RGS7: variants seen among roughly 807,000 people sequenced by gnomAD.
The protein encoded by RGS7 is regulator of G-protein signaling 7.
Under a neutral mutation model 81.1 loss-of-function variants are expected in RGS7, and 27 were observed. That is an observed-to-expected ratio of 0.33 (90% CI 0.25 to 0.46). RGS7 has a LOEUF of 0.46. Among genes scored for constraint, RGS7 ranks in the 20% least tolerant of loss-of-function variants. RGS7 has a pLI of 1.00. For synonymous variants in RGS7, 208 were observed against 207.7 expected (o/e 1.00, Z -0.01); for missense variants, 396 against 607.4 (o/e 0.65, Z 3.66).
chr1:240,801,826 A>T (rs1688074009), intron 16 of RGS7, among the ~76,000 whole-genome samples: 1 of 152,186 alleles, frequency 6.6e-6, no homozygotes, highest in African/African-American at 2.4e-5. Flanking sequence ...AATATTTAAA[A>T]ATCTAGCAGC....
At chr1:240,844,375 T>C (rs1014211000) in intron 9 of RGS7, among the ~76,000 whole-genome samples, 2 of 152,174 alleles carry the variant, frequency 1.3e-5, no homozygotes, top group African/African-American at 4.8e-5. Context: ...CCCTGAGAGT[T>C]AGCTGTTGGC....
intron 2 of RGS7, among the ~76,000 whole-genome samples, chr1:241,100,508 G>A (rs374609742): frequency 6.6e-6 from 1 of 151,858 alleles, no homozygotes; most frequent in East Asian, 1.9e-4. Flanking sequence ...GTATTACTAT[G>A]ACAAATAACT....
chr1:241,061,665 G>A (rs2061744557), intron 3 of RGS7, among the ~76,000 whole-genome samples: 1 of 152,124 alleles, frequency 6.6e-6, no homozygotes, highest in Admixed American at 6.5e-5. Context: ...GCGAGGAGAA[G>A]GCAGCGTCAA....
At chr1:241,321,521 C>A (rs2081210728) in intron 2 of RGS7, among the ~76,000 whole-genome samples, 1 of 152,150 alleles carries the variant, frequency 6.6e-6, no homozygotes, top group Non-Finnish European at 1.5e-5. Flanking sequence ...AATCTTCATG[C>A]AGATTAAAAG....
In RGS7 at chr1:240,912,309, A is replaced by T. The variant is rs533040937; in HGVS notation, c.385+18408T>A. Among the ~76,000 whole-genome samples the T allele has an allele frequency of 2.0e-5, 3 of 152,278 alleles. No individual in the cohort carries two copies. In the South Asian group the frequency reaches 6.2e-4, roughly 32 times the overall value. ...AAGCAGGAGTAACATTTAAAATGAG[A>T]CAAAAAGTACAAGCCACCAGAAATG... On this transcript the variant is annotated intron_variant, in intron 6 of 18. Coordinates refer to ENST00000440928, the MANE Select transcript of RGS7 (RefSeq NM_001364886.1).
intron 2 of RGS7, among the ~76,000 whole-genome samples, chr1:241,174,219 T>C (rs1258251787): frequency 1.3e-5 from 2 of 152,246 alleles, no homozygotes; most frequent in Non-Finnish European, 2.9e-5. Context: ...CCCAATTTTC[T>C]ACTTGCAGCC....
chr1:241,020,187 G>C lies in RGS7; in HGVS notation c.176-37058C>G, dbSNP rs146745499. Reference sequence around the variant, plus strand: ...TAAAAAACATCTACTGCAAAGTCTGGTATGAAGTAGGGGCTCAGTCAGTGC... The same window carrying C: ...TAAAAAACATCTACTGCAAAGTCTGCTATGAAGTAGGGGCTCAGTCAGTGC... On this transcript the variant is annotated intron_variant, in intron 3 of 18. Coordinates refer to ENST00000440928, the MANE Select transcript of RGS7 (RefSeq NM_001364886.1). Among the ~76,000 whole-genome samples, 513 of 152,266 alleles carry C rather than the reference G, an allele frequency of 3.4e-3. 11 individuals are homozygous for C. The South Asian group carries it at 0.051, about 15-fold the overall frequency.
intron 10 of RGS7, chr1:240,822,971 C>A: frequency 9.8e-6 from 5 of 512,782 alleles, no homozygotes; most frequent in Admixed American, 3.1e-5. Context: ...TTTTTTTCAT[C>A]AGGGGCTATT....
intron 2 of RGS7, among the ~76,000 whole-genome samples, chr1:241,292,384 G>A (rs952247690): frequency 6.6e-6 from 1 of 152,062 alleles, no homozygotes; most frequent in African/African-American, 2.4e-5. Flanking sequence ...TAAAAAGAGA[G>A]GACTCAAAGG....
chr1:240,889,612 T>A lies in RGS7; in HGVS notation c.386-19493A>T, dbSNP rs141924152. On this transcript the variant is annotated intron_variant, in intron 6 of 18. Coordinates refer to ENST00000440928, the MANE Select transcript of RGS7 (RefSeq NM_001364886.1). ...ACTGGATGGTAAAAGCAAGAGCAGG[T>A]AGCAGACTTTTAAATAACAATAATA... Among the ~76,000 whole-genome samples the A allele has an allele frequency of 4.9e-3, 744 of 152,296 alleles. 4 individuals carry two copies. Among genetic ancestry groups the A allele is most frequent in the African/African-American group, 0.017 (690 of 41,556 alleles).
intron 2 of RGS7, among the ~76,000 whole-genome samples, chr1:241,236,449 C>T (rs2075982204): frequency 1.3e-5 from 2 of 152,104 alleles, no homozygotes; most frequent in South Asian, 4.1e-4. Context: ...TAACACCCTG[C>T]AGCTTGACCC....
At chr1:241,120,507 C>T (rs1452539592) in intron 2 of RGS7, among the ~76,000 whole-genome samples, 1 of 152,048 alleles carries the variant, frequency 6.6e-6, no homozygotes, top group Non-Finnish European at 1.5e-5. Context: ...ACCACCACGC[C>T]TGGCTAATTT....
intron 2 of RGS7, among the ~76,000 whole-genome samples, chr1:241,228,193 T>G (rs2075433940): frequency 6.6e-6 from 1 of 152,164 alleles, no homozygotes; most frequent in Non-Finnish European, 1.5e-5. Flanking sequence ...CAATAGAGTA[T>G]CAGGTGAGCC....
chr1:241,048,756 A>C (rs1469590367), intron 3 of RGS7, among the ~76,000 whole-genome samples: 1 of 152,048 alleles, frequency 6.6e-6, no homozygotes, highest in Non-Finnish European at 1.5e-5. Context: ...GCATCATATG[A>C]GCTTTCTAGG....
intron 3 of RGS7, among the ~76,000 whole-genome samples, chr1:241,046,893 T>C (rs2060957641): frequency 6.6e-6 from 1 of 152,134 alleles, no homozygotes; most frequent in South Asian, 2.1e-4. Context: ...TTTCAATTCA[T>C]AAATGTTACG....
At chr1:240,889,558 C>T (rs188333114) in intron 6 of RGS7, among the ~76,000 whole-genome samples, 1 of 152,204 alleles carries the variant, frequency 6.6e-6, no homozygotes, top group Non-Finnish European at 1.5e-5. Context: ...GGGATTTACA[C>T]GTAATTATTT....
At chr1:240,988,179 T>A (rs1030012725) in intron 3 of RGS7, among the ~76,000 whole-genome samples, 1 of 150,806 alleles carries the variant, frequency 6.6e-6, no homozygotes, top group Non-Finnish European at 1.5e-5. Flanking sequence ...GGACATCTAC[T>A]CTATACAGAA....
intron 3 of RGS7, among the ~76,000 whole-genome samples, chr1:241,019,706 C>T (rs1572297593): frequency 6.6e-6 from 1 of 152,218 alleles, no homozygotes; most frequent in African/African-American, 2.4e-5. Context: ...TTTATGGCTG[C>T]ATACTATTCT....
chr1:241,172,062 G>A (rs1428310391), intron 2 of RGS7, among the ~76,000 whole-genome samples: 1 of 152,196 alleles, frequency 6.6e-6, no homozygotes, highest in Non-Finnish European at 1.5e-5. Context: ...GGTTAAGTGA[G>A]CTGATTATGC....
Sources: allele counts gnomAD v4.1 joint callset (sites outside exome capture counted in the v4.1 genomes callset), GRCh38; gene constraint gnomAD v4.1.1; transcripts MANE v1.5; gene names NCBI Gene and HGNC (gene_info 2026-07-23, HGNC 2026-07-21).